The following CCDC125 variants were observed in gnomAD, a reference collection of about 807,000 sequenced individuals.
CCDC125 encodes coiled-coil domain containing 125.
A neutral mutation model predicts 57.4 loss-of-function variants in CCDC125; 43 were observed. That is an observed-to-expected ratio of 0.75 (90% CI 0.59 to 0.97). The LOEUF (loss-of-function observed/expected upper bound fraction) is 0.97. Among genes scored for constraint, CCDC125 ranks in the 50% least tolerant of loss-of-function variants. The pLI is 0.00. For synonymous variants in CCDC125, 187 were observed against 195.2 expected (o/e 0.96, Z 0.35); for missense variants, 563 against 595.7 (o/e 0.95, Z 0.57).
At chr5:69,301,234 C>G (rs11952620) in intron 7 of CCDC125, among the ~76,000 whole-genome samples, 15,734 of 152,086 alleles carry the variant, frequency 0.1, 975 homozygotes, top group South Asian at 0.19. Context: ...CTTGGCTTTC[C>G]ATAGCACTGG....
intron 2 of CCDC125, 94 bp from the exon 3 acceptor site, chr5:69,314,140 C>A: frequency 1.2e-6 from 1 of 854,286 alleles, no homozygotes. Context: ...TTACCAAATA[C>A]AGGTATCCCC....
At chr5:69,285,809 T>C (rs1753247722) in intron 10 of CCDC125, among the ~76,000 whole-genome samples, 1 of 152,198 alleles carries the variant, frequency 6.6e-6, no homozygotes, top group Non-Finnish European at 1.5e-5. Context: ...GTCTTATTGT[T>C]TGACTACACT....
downstream of CCDC125, chr5:69,277,063 A>G (rs1256398414): frequency 9.8e-6 from 15 of 1,535,148 alleles, no homozygotes; most frequent in Non-Finnish European, 1.2e-5. Context: ...GAACTTTGTT[A>G]AATGTGAACA....
chr5:69,275,979 T>C (rs1265363898), downstream of CCDC125, among the ~76,000 whole-genome samples: 1 of 152,202 alleles, frequency 6.6e-6, no homozygotes, highest in Non-Finnish European at 1.5e-5. Context: ...AGATAAGATA[T>C]ATTCAGCCTG....
Position 69,282,581 on chromosome 5 carries a change from T to A in CCDC125, c.*148A>T. 2 of 637,010 alleles carry A rather than the reference T, an allele frequency of 3.1e-6. No homozygotes were observed. The highest frequency in any genetic ancestry group is 4.8e-5 in the South Asian group (2 of 41,818). 39.5% of individuals were successfully genotyped at this position (637,010 alleles called of 1,614,324 possible). On this transcript the variant is annotated 3_prime_UTR_variant, in exon 12 of 12. Coordinates refer to ENST00000396496, the MANE Select transcript of CCDC125 (RefSeq NM_176816.5). ...ATCTCAAAAGAAGAAAAAGAAAATGTAGAAAATATTTGATTTAAGTGACCT... is the reference window on the plus strand; with the variant it reads ...ATCTCAAAAGAAGAAAAAGAAAATGAAGAAAATATTTGATTTAAGTGACCT...
chr5:69,306,960 C>A, intron 5 of CCDC125, 58 bp from the exon 6 acceptor site: 2 of 1,368,072 alleles, frequency 1.5e-6, no homozygotes, highest in Non-Finnish European at 9.5e-7. Flanking sequence ...CATTTCAGGA[C>A]ATTGTGAATA....
At chr5:69,317,466 A>G (rs1045586825) in intron 2 of CCDC125, among the ~76,000 whole-genome samples, 34 of 152,248 alleles carry the variant, frequency 2.2e-4, no homozygotes, top group African/African-American at 7.7e-4. Flanking sequence ...GATGGGGATG[A>G]ACCCTGAGCT....
intron 1 of CCDC125, among the ~76,000 whole-genome samples, chr5:69,328,635 A>G (rs1422343738): frequency 6.6e-6 from 1 of 152,228 alleles, no homozygotes; most frequent in Non-Finnish European, 1.5e-5. Context: ...AACAAAAGAT[A>G]AAAATAAATT....
At chr5:69,326,132 T>C (rs1295260454) in intron 1 of CCDC125, among the ~76,000 whole-genome samples, 2 of 152,308 alleles carry the variant, frequency 1.3e-5, no homozygotes. Context: ...CTACCACCCC[T>C]GGCCCAGAGA....
chr5:69,285,036 G>T (rs1753080222), intron 11 of CCDC125, among the ~76,000 whole-genome samples: 1 of 152,116 alleles, frequency 6.6e-6, no homozygotes, highest in Non-Finnish European at 1.5e-5. Context: ...GGTGGAGGTT[G>T]CAGTGAGCCG....
rs1166322606 is a variant in CCDC125 at position 69,281,613 on chromosome 5, G to A, written c.*1116C>T. 2.0e-5 allele frequency: 3 copies of A among 152,098 alleles called. No individual in the cohort carries two copies. Among genetic ancestry groups the A allele is most frequent in the Non-Finnish European group, 4.4e-5 (3 of 68,032 alleles). 9.4% of individuals were successfully genotyped at this position (152,098 alleles called of 1,614,324 possible). A position where few individuals can be genotyped will look rare whatever the true frequency, so the allele number is the denominator to read the frequency against. ...CTGCCAAGGTCCCACCATCAAAACT[G>A]TCTTATTGAAGTTAACTTAAGGAAA... On this transcript the variant is annotated 3_prime_UTR_variant, in exon 12 of 12. Transcript: ENST00000396496.
At chr5:69,275,608 C>A (rs1561381413), downstream of CCDC125, among the ~76,000 whole-genome samples, 1 of 152,144 alleles carries the variant, frequency 6.6e-6, no homozygotes, top group Non-Finnish European at 1.5e-5. Flanking sequence ...GAAAATTCTA[C>A]ACATAAGGAC....
chr5:69,322,908 C>T (rs1760259320), intron 1 of CCDC125, among the ~76,000 whole-genome samples: 1 of 151,966 alleles, frequency 6.6e-6, no homozygotes, highest in Non-Finnish European at 1.5e-5. Flanking sequence ...ACTCAGGAGG[C>T]TGAGGTGGGA....
chr5:69,301,641 C>T (rs368842712), intron 7 of CCDC125, among the ~76,000 whole-genome samples: 15 of 151,386 alleles, frequency 9.9e-5, no homozygotes, highest in East Asian at 3.9e-4. Flanking sequence ...TAGGCCAAGG[C>T]GGGAGAATCC....
rs147880685 is a variant in CCDC125, at chr5:69,292,069, C to T, written c.1099+119G>A. The T allele has an allele frequency of 6.6e-5, 60 of 915,392 alleles. 2 individuals carry two copies. In the African/African-American group the frequency reaches 8.3e-4, roughly 13 times the overall value. 56.7% of individuals were successfully genotyped at this position (915,392 alleles called of 1,614,324 possible). On this transcript the variant is annotated intron_variant, in intron 10 of 11. Coordinates refer to ENST00000396496, the MANE Select transcript of CCDC125 (RefSeq NM_176816.5). ...TGCTAAGTTTTTAAGTAAACCACAA[C>T]CATATGTGAAGTTTCAATTATTTTT...
chr5:69,301,397 GC>G (rs1447098953), intron 7 of CCDC125, among the ~76,000 whole-genome samples: 1 of 152,076 alleles, frequency 6.6e-6, no homozygotes, highest in Non-Finnish European at 1.5e-5. Flanking sequence ...ACTTTTGGAG[GC>G]CAAGGTGGGA....
At chr5:69,275,371 G>A (rs1752012450), downstream of CCDC125, among the ~76,000 whole-genome samples, 1 of 151,934 alleles carries the variant, frequency 6.6e-6, no homozygotes, top group African/African-American at 2.4e-5. Context: ...TACATGACTT[G>A]GAATTTGAAT....
intron 10 of CCDC125, among the ~76,000 whole-genome samples, chr5:69,286,223 T>TAA (rs1183151821): frequency 2.6e-5 from 3 of 113,666 alleles, no homozygotes; most frequent in Non-Finnish European, 5.2e-5. Flanking sequence ...TATATATATA[T>TAA]ATATATATAT....
At chr5:69,309,478 T>A (rs1757823985) in intron 4 of CCDC125, 1 of 152,242 alleles carries the variant, frequency 6.6e-6, no homozygotes, top group South Asian at 2.1e-4. Context: ...CCACATGATG[T>A]TGAGCCTGCA....
Sources: gnomAD v4.1 joint callset for allele counts (sites outside exome capture counted in the v4.1 genomes callset) on GRCh38, gnomAD v4.1.1 for gene constraint, MANE v1.5 for transcripts, NCBI Gene and HGNC (gene_info 2026-07-23, HGNC 2026-07-21) for gene names.